The following AVEN variants were observed in gnomAD, a reference collection of about 807,000 sequenced individuals.
The protein encoded by AVEN is cell death regulator Aven.
Under a neutral mutation model 38.1 loss-of-function variants are expected in AVEN, and 41 were observed. That is an observed-to-expected ratio of 1.08 (90% CI 0.84 to 1.40). The LOEUF is 1.40. Among genes scored for constraint, AVEN ranks in the 40% most tolerant of loss-of-function variants. AVEN has a pLI of 0.00. For synonymous variants in AVEN, 206 were observed against 171.8 expected, an observed-to-expected ratio of 1.20 and a Z score of -1.56; for missense variants, 605 against 438.8, an observed-to-expected ratio of 1.38 and a Z score of -3.38.
chr15:33,900,317 T>C (rs1892440653), intron 2 of AVEN, among the ~76,000 whole-genome samples: 1 of 152,014 alleles, frequency 6.6e-6, no homozygotes, highest in African/African-American at 2.4e-5. Flanking sequence ...CATTTTTTTT[T>C]TTTTTTTTGA....
At chr15:34,012,019 C>A (rs182859395) in intron 1 of AVEN, among the ~76,000 whole-genome samples, 1 of 152,268 alleles carries the variant, frequency 6.6e-6, no homozygotes, top group East Asian at 1.9e-4. Flanking sequence ...GAATCAGTTT[C>A]ATTTTATCTG....
At chr15:33,893,765 C>T (rs1892091298) in intron 2 of AVEN, among the ~76,000 whole-genome samples, 1 of 152,138 alleles carries the variant, frequency 6.6e-6, no homozygotes, top group Non-Finnish European at 1.5e-5. Flanking sequence ...TCTGGGTTCC[C>T]TGCTGTGCTT....
At chr15:33,934,764 T>C (rs544550091) in intron 2 of AVEN, among the ~76,000 whole-genome samples, 9 of 152,292 alleles carry the variant, frequency 5.9e-5, no homozygotes, top group Admixed American at 2.0e-4. Context: ...TAGTGAAAAG[T>C]ATATGGGCTA....
intron 3 of AVEN, among the ~76,000 whole-genome samples, chr15:33,872,931 C>T (rs1360083175): frequency 6.6e-6 from 1 of 151,908 alleles, no homozygotes; most frequent in African/African-American, 2.4e-5. Context: ...ACCTGTGTCC[C>T]TTCACCCTGC....
At chr15:33,961,742 G>A (rs1320990159) in intron 2 of AVEN, among the ~76,000 whole-genome samples, 1 of 149,352 alleles carries the variant, frequency 6.7e-6, no homozygotes, top group Non-Finnish European at 1.5e-5. Context: ...GAACCCGGGA[G>A]GCGGAGCTTG....
chr15:33,885,923 C>T (rs1428532563), intron 2 of AVEN, among the ~76,000 whole-genome samples: 1 of 152,160 alleles, frequency 6.6e-6, no homozygotes, highest in African/African-American at 2.4e-5. Context: ...ACCTTCAGAA[C>T]AAGGCCAGCA....
chr15:34,075,181 C>CAAAA (rs58860397), upstream of AVEN, among the ~76,000 whole-genome samples: 886 of 67,124 alleles, frequency 0.013, 30 homozygotes, highest in African/African-American at 0.045. Context: ...GACTCTGGCT[C>CAAAA]AAAAAAAAAA....
chr15:33,867,442 TC>T, intron 5 of AVEN, 52 bp downstream of exon 5: 1 of 1,533,072 alleles, frequency 6.5e-7, no homozygotes, highest in Non-Finnish European at 8.7e-7. Flanking sequence ...GCGGGGCTGT[TC>T]TTGAAAAAAC....
chr15:33,999,770 T>C (rs1253634293), intron 2 of AVEN, among the ~76,000 whole-genome samples: 1 of 152,172 alleles, frequency 6.6e-6, no homozygotes, highest in African/African-American at 2.4e-5. Context: ...GTAGTAGCAG[T>C]GGCTTCCTAA....
At chr15:33,924,954 CAACT>C (rs1481889903) in intron 2 of AVEN, among the ~76,000 whole-genome samples, 2 of 152,106 alleles carry the variant, frequency 1.3e-5, no homozygotes, top group Non-Finnish European at 2.9e-5. Flanking sequence ...TTGATAAATG[CAACT>C]GACTGGTTAA....
intron 2 of AVEN, among the ~76,000 whole-genome samples, chr15:33,985,664 T>G (rs1468265949): frequency 6.6e-6 from 1 of 152,000 alleles, no homozygotes; most frequent in African/African-American, 2.4e-5. Flanking sequence ...TTCTGTACCC[T>G]CAGCACCTGA....
At chr15:33,864,587 G>T (rs1190591532), downstream of AVEN, among the ~76,000 whole-genome samples, 1 of 151,366 alleles carries the variant, frequency 6.6e-6, no homozygotes, top group Non-Finnish European at 1.5e-5. Context: ...GGAGCCTGGA[G>T]GTGTGCATGT....
chr15:33,853,219 C>T, the AVEN span: 1 of 938,124 alleles, frequency 1.1e-6, no homozygotes, highest in East Asian at 2.7e-5. Context: ...GAGTAAGTCA[C>T]AGAAGGGGTT....
intron 2 of AVEN, among the ~76,000 whole-genome samples, chr15:33,876,279 G>C (rs1195938870): frequency 3.3e-5 from 5 of 152,130 alleles, no homozygotes; most frequent in Admixed American, 3.3e-4. Context: ...CCCTCAAAAA[G>C]TTATGACATA....
chr15:33,922,552 A>T (rs1893439553), intron 2 of AVEN, among the ~76,000 whole-genome samples: 1 of 152,126 alleles, frequency 6.6e-6, no homozygotes, highest in African/African-American at 2.4e-5. Context: ...CTCCCGCCTC[A>T]GCCTCCTGAG....
At chr15:34,055,380 C>T (rs1900099341) in intron 5 of AVEN, among the ~76,000 whole-genome samples, 2 of 151,972 alleles carry the variant, frequency 1.3e-5, no homozygotes, top group South Asian at 4.2e-4. Context: ...TGGTGTGCAC[C>T]TGTAGTCCCA....
chr15:34,005,668 C>G (rs989683245), intron 1 of AVEN, among the ~76,000 whole-genome samples: 3 of 152,156 alleles, frequency 2.0e-5, no homozygotes, highest in East Asian at 1.9e-4. Context: ...CCTCTTTCAT[C>G]GAGGAAATTG....
At chr15:33,986,767 C>T (rs1197185293) in intron 2 of AVEN, among the ~76,000 whole-genome samples, 1 of 151,648 alleles carries the variant, frequency 6.6e-6, no homozygotes, top group African/African-American at 2.4e-5. Flanking sequence ...AGCGATTCTC[C>T]TGTGTCAGCC....
intron 5 of AVEN, among the ~76,000 whole-genome samples, chr15:33,867,195 G>C (rs562923622): frequency 6.6e-6 from 1 of 152,304 alleles, no homozygotes; most frequent in South Asian, 2.1e-4. Flanking sequence ...CTGCCAAAAA[G>C]CTGAAGGCTA....
Sources: allele counts gnomAD v4.1 joint callset (sites outside exome capture counted in the v4.1 genomes callset), GRCh38; gene constraint gnomAD v4.1.1; transcripts MANE v1.5; gene names NCBI Gene and HGNC (gene_info 2026-07-23, HGNC 2026-07-21).